LARGE1: variants seen among roughly 807,000 people sequenced by gnomAD.
LARGE1 encodes xylosyl- and glucuronyltransferase LARGE1.
LARGE1 carries 43 observed loss-of-function variants against 87.6 expected under a neutral mutation model. The ratio of observed to expected loss-of-function variants is 0.49; its 90% CI spans 0.38 to 0.63. LARGE1 has a LOEUF of 0.63. Ranked by LOEUF, LARGE1 falls within the 30% of genes least tolerant of loss-of-function variation. The pLI is 0.00. For synonymous variants in LARGE1, 434 were observed against 394.6 expected, an observed-to-expected ratio of 1.10 and a Z score of -1.18; for missense variants, 802 against 1,000.2, an observed-to-expected ratio of 0.80 and a Z score of 2.67.
At chr22:33,827,829 C>G (rs1420037391) in intron 1 of LARGE1, among the ~76,000 whole-genome samples, 3 of 152,166 alleles carry the variant, frequency 2.0e-5, no homozygotes, top group African/African-American at 7.2e-5. Context: ...CTGCCCTCCC[C>G]TCAACACCTC....
chr22:33,540,581 T>C lies in LARGE1; in HGVS notation c.787+24267A>G, dbSNP rs963122268. On this transcript the variant is annotated intron_variant, in intron 6 of 14. Coordinates refer to ENST00000397394, the MANE Select transcript of LARGE1 (RefSeq NM_133642.5). ...CCATGGCAAAACAACCAAGACACAG[T>C]GTCTCTTTTGTTGCAGTAGCCAGCA... 1.8e-4 allele frequency among the ~76,000 whole-genome samples: 27 copies of C among 152,250 alleles called. 2 individuals are homozygous for C. Among genetic ancestry groups the C allele is most frequent in the Admixed American group, 1.6e-3 (24 of 15,300 alleles).
At chr22:33,775,678 C>G (rs1032839679) in intron 1 of LARGE1, among the ~76,000 whole-genome samples, 2 of 151,952 alleles carry the variant, frequency 1.3e-5, no homozygotes, top group Non-Finnish European at 2.9e-5. Context: ...ATGGTGAAAC[C>G]CCATCTCTAC....
intron 9 of LARGE1, among the ~76,000 whole-genome samples, chr22:33,338,187 G>A (rs1392159223): frequency 6.6e-6 from 1 of 152,110 alleles, no homozygotes; most frequent in African/African-American, 2.4e-5. Flanking sequence ...GCCACCCAGA[G>A]GGAGCATGAC....
chr22:33,320,120 C>A (rs1569051866), intron 10 of LARGE1, among the ~76,000 whole-genome samples: 2 of 152,128 alleles, frequency 1.3e-5, no homozygotes, highest in South Asian at 2.1e-4. Context: ...GATCTATGAC[C>A]CCACTGCTTC....
chr22:33,513,841 A>ACACACACACACACACACACT (rs2071169494), intron 6 of LARGE1, among the ~76,000 whole-genome samples: 2 of 151,624 alleles, frequency 1.3e-5, no homozygotes, highest in African/African-American at 4.8e-5. Flanking sequence ...ACACACACAC[A>ACACACACACACACACACACT]CACACGAGTC....
intron 1 of LARGE1, among the ~76,000 whole-genome samples, chr22:33,762,800 A>G (rs2084780092): frequency 6.6e-6 from 1 of 152,104 alleles, no homozygotes; most frequent in Non-Finnish European, 1.5e-5. Flanking sequence ...GAGTTAAAAA[A>G]CCAATGGACC....
intron 1 of LARGE1, among the ~76,000 whole-genome samples, chr22:33,844,155 A>G (rs929317245): frequency 2.6e-5 from 4 of 152,052 alleles, no homozygotes; most frequent in African/African-American, 9.7e-5. Flanking sequence ...TGTGTTCCAC[A>G]GTGTCCCTAA....
At chr22:33,266,219 C>G (rs76439605) in intron 11 of LARGE1, among the ~76,000 whole-genome samples, 1 of 106,934 alleles carries the variant, frequency 9.4e-6, no homozygotes, top group South Asian at 3.0e-4. Context: ...ATTTTCAGGG[C>G]TTTTTTTTTT....
At chr22:33,902,671 G>A (rs2065317369) in intron 1 of LARGE1, among the ~76,000 whole-genome samples, 1 of 152,158 alleles carries the variant, frequency 6.6e-6, no homozygotes, top group Admixed American at 6.6e-5. Flanking sequence ...ACTAATTTGT[G>A]TTTCAAACAA....
chr22:33,519,919 TTA>T (rs2071489767), intron 6 of LARGE1, among the ~76,000 whole-genome samples: 1 of 152,084 alleles, frequency 6.6e-6, no homozygotes, highest in Non-Finnish European at 1.5e-5. Flanking sequence ...TTCCTTAGGA[TTA>T]AGAAGTTTGT....
At chr22:33,317,021 C>G (rs1936237603) in intron 10 of LARGE1, among the ~76,000 whole-genome samples, 1 of 152,120 alleles carries the variant, frequency 6.6e-6, no homozygotes, top group Admixed American at 6.5e-5. Context: ...CGAGACCACC[C>G]TGGCCAACGT....
At chr22:33,209,582 T>C (rs1924855391) in intron 11 of LARGE1, among the ~76,000 whole-genome samples, 2 of 152,240 alleles carry the variant, frequency 1.3e-5, no homozygotes, top group Non-Finnish European at 2.9e-5. Flanking sequence ...ATTCAATTGA[T>C]AAATATTTGC....
chr22:33,832,862 A>G (rs1362779472), intron 1 of LARGE1, among the ~76,000 whole-genome samples: 1 of 152,242 alleles, frequency 6.6e-6, no homozygotes, highest in South Asian at 2.1e-4. Flanking sequence ...TAAGCACTCA[A>G]TAAGTGCTAA....
chr22:33,898,089 AC>A (rs2065191065), intron 1 of LARGE1, among the ~76,000 whole-genome samples: 2 of 152,208 alleles, frequency 1.3e-5, no homozygotes, highest in Non-Finnish European at 2.9e-5. Flanking sequence ...CCCAAAAGGT[AC>A]CCAACAATTA....
chr22:33,738,625 C>T (rs1338560250), intron 2 of LARGE1, among the ~76,000 whole-genome samples: 1 of 152,044 alleles, frequency 6.6e-6, no homozygotes, highest in African/African-American at 2.4e-5. Context: ...TTTCGGAGGC[C>T]GAGGCAGGTG....
At position 33,690,402 on chromosome 22, in the gene LARGE1, C is replaced by T. The variant is rs146216349; in HGVS notation, c.107-39734G>A. The stretch of plus-strand genomic sequence containing the variant: ...AGTAAGTGCTATGTGAACGTAACGG[C>T]TATAAAAGTTTGTCATTCAGCCCTC... On this transcript the variant is annotated intron_variant, in intron 2 of 14. Coordinates refer to ENST00000397394, the MANE Select transcript of LARGE1 (RefSeq NM_133642.5). Among the ~76,000 whole-genome samples the T allele has an allele frequency of 7.6e-4, 116 of 152,190 alleles. 5 individuals are homozygous for T. In the East Asian group the frequency reaches 0.019, roughly 25 times the overall value.
chr22:33,678,063 A>T (rs962981971), intron 2 of LARGE1, among the ~76,000 whole-genome samples: 1 of 152,236 alleles, frequency 6.6e-6, no homozygotes, highest in African/African-American at 2.4e-5. Flanking sequence ...AACCAACTGG[A>T]ATAAAAAACG....
chr22:33,118,444 A>T, the LARGE1 span, among the ~76,000 whole-genome samples: 2 of 151,450 alleles, frequency 1.3e-5, no homozygotes, highest in Admixed American at 1.3e-4. Flanking sequence ...GTGAGCCATG[A>T]TCATGCCACT....
intron 2 of LARGE1, among the ~76,000 whole-genome samples, chr22:33,666,664 A>C (rs1035207040): frequency 3.3e-5 from 5 of 152,198 alleles, no homozygotes; most frequent in Non-Finnish European, 7.3e-5. Context: ...GAGGAATCAG[A>C]AATCTTTTTC....
Sources: gnomAD v4.1 joint callset for allele counts (sites outside exome capture counted in the v4.1 genomes callset) on GRCh38, gnomAD v4.1.1 for gene constraint, MANE v1.5 for transcripts, NCBI Gene and HGNC (gene_info 2026-07-23, HGNC 2026-07-21) for gene names.